CNBD1: variants seen among roughly 807,000 people sequenced by gnomAD.
The protein encoded by CNBD1 is cyclic nucleotide-binding domain-containing protein 1.
In CNBD1, 71 loss-of-function variants were observed where a neutral mutation model predicts 54.4. The ratio of observed to expected loss-of-function variants is 1.30; its 90% CI spans 1.08 to 1.59. The LOEUF (loss-of-function observed/expected upper bound fraction) is 1.59. Ranked by LOEUF, CNBD1 falls within the 40% of genes most tolerant of loss-of-function variation. The pLI, the probability that CNBD1 is intolerant of heterozygous loss-of-function variation, is 0.00. For synonymous variants in CNBD1, 182 were observed against 170.7 expected, an observed-to-expected ratio of 1.07 and a Z score of -0.51; for missense variants, 659 against 518.0, an observed-to-expected ratio of 1.27 and a Z score of -2.64.
At chr8:86,961,040 A>G (rs1807915662) in intron 4 of CNBD1, among the ~76,000 whole-genome samples, 1 of 152,232 alleles carries the variant, frequency 6.6e-6, no homozygotes, top group African/African-American at 2.4e-5. Context: ...CCATGTCTAC[A>G]TTTTGAAGAC....
At chr8:87,346,226 A>T (rs1044929826) in intron 8 of CNBD1, among the ~76,000 whole-genome samples, 1 of 151,912 alleles carries the variant, frequency 6.6e-6, no homozygotes, top group Admixed American at 6.6e-5. Context: ...TTTTTAGTAG[A>T]GATGGGGTTT....
chr8:87,111,315 T>TA (rs1248048870), intron 4 of CNBD1, among the ~76,000 whole-genome samples: 1 of 152,176 alleles, frequency 6.6e-6, no homozygotes, highest in African/African-American at 2.4e-5. Context: ...CAGAAAATTT[T>TA]AAAAAACTTA....
intron 4 of CNBD1, among the ~76,000 whole-genome samples, chr8:87,104,067 T>C (rs1203764488): frequency 1.3e-5 from 2 of 152,224 alleles, no homozygotes; most frequent in Non-Finnish European, 2.9e-5. Flanking sequence ...ATGATTGATG[T>C]TTTGCTAAGC....
intron 4 of CNBD1, among the ~76,000 whole-genome samples, chr8:86,958,757 A>G (rs1306392174): frequency 6.6e-6 from 1 of 152,148 alleles, no homozygotes; most frequent in Non-Finnish European, 1.5e-5. Flanking sequence ...AATACAGCAC[A>G]CTGATAGGTC....
chr8:87,048,047 A>C (rs1422944997), intron 4 of CNBD1, among the ~76,000 whole-genome samples: 1 of 152,122 alleles, frequency 6.6e-6, no homozygotes, highest in Admixed American at 6.5e-5. Flanking sequence ...CTTTGACTTG[A>C]GTGTGATAAA....
chr8:87,048,576 A>T (rs1030137614), intron 4 of CNBD1, among the ~76,000 whole-genome samples: 1 of 152,274 alleles, frequency 6.6e-6, no homozygotes, highest in African/African-American at 2.4e-5. Context: ...GAGGGGTCCA[A>T]TGTCACTTTG....
At position 87,036,249 on chromosome 8, in the gene CNBD1, AT is replaced by A. The variant is rs1223532607; in HGVS notation, c.431+96499del. ...CTCACCATTTATGTTTCTTCCTCGT[AT>A]TTTAAAAAATTAAATCTCTATTTAT... On this transcript the variant is annotated intron_variant, in intron 4 of 10. Coordinates refer to ENST00000518476, the MANE Select transcript of CNBD1 (RefSeq NM_173538.3). Among the ~76,000 whole-genome samples the A allele has an allele frequency of 3.3e-5, 5 of 152,294 alleles. No homozygotes were observed. The East Asian group carries it at 9.7e-4, about 29-fold the overall frequency.
rs890662474 is a variant in CNBD1 at position 87,323,519 on chromosome 8, T to A, written c.1043-28166T>A. Among the ~76,000 whole-genome samples, 20 of 121,952 alleles carry A rather than the reference T, an allele frequency of 1.6e-4. 6 individuals are homozygous for A. Among genetic ancestry groups the A allele is most frequent in the Non-Finnish European group, 2.4e-4 (13 of 54,564 alleles). The allele number at this position is 121,952 out of a possible 152,430, so 80.0% of individuals were successfully genotyped here. On this transcript the variant is annotated intron_variant, in intron 8 of 10. Transcript: ENST00000518476. The stretch of plus-strand genomic sequence containing the variant: ...GTAGTTCTTGAAGAGGTCCTTCACA[T>A]CCCTTGTAAGTTGGATTCCTAGGTA...
intron 10 of CNBD1, among the ~76,000 whole-genome samples, chr8:87,363,849 T>C (rs553949842): frequency 5.3e-5 from 8 of 152,276 alleles, no homozygotes; most frequent in Admixed American, 1.3e-4. Context: ...GCAGAAGCTC[T>C]TTAGTTTAAT....
intron 3 of CNBD1, among the ~76,000 whole-genome samples, chr8:86,927,851 A>G (rs1425119403): frequency 1.3e-5 from 2 of 152,154 alleles, no homozygotes; most frequent in East Asian, 3.9e-4. Flanking sequence ...TCCTTCTGAA[A>G]TAGGAGACGT....
intron 2 of CNBD1, among the ~76,000 whole-genome samples, chr8:87,428,133 ACC>A (rs1431648540): frequency 1.3e-5 from 2 of 149,142 alleles, no homozygotes; most frequent in East Asian, 3.9e-4. Context: ...TCCTCCCCCA[ACC>A]AAAAAAAAGG....
chr8:86,877,072 A>G (rs1022876715), intron 1 of CNBD1, among the ~76,000 whole-genome samples: 11 of 152,050 alleles, frequency 7.2e-5, no homozygotes, highest in Admixed American at 2.6e-4. Flanking sequence ...CCCTCTTCAC[A>G]TGTTGATTTT....
intron 4 of CNBD1, among the ~76,000 whole-genome samples, chr8:87,097,925 T>A (rs1811351974): frequency 6.6e-6 from 1 of 152,192 alleles, no homozygotes; most frequent in South Asian, 2.1e-4. Flanking sequence ...GTTTTCTAAG[T>A]GGTTTGAAGA....
At chr8:87,105,708 C>CTA in intron 4 of CNBD1, among the ~76,000 whole-genome samples, 1 of 151,762 alleles carries the variant, frequency 6.6e-6, no homozygotes, top group African/African-American at 2.4e-5. Context: ...TATATTTAGG[C>CTA]TAAGCCTTTT....
chr8:86,991,818 A>G lies in CNBD1; in HGVS notation c.431+52064A>G, dbSNP rs142870239. Among the ~76,000 whole-genome samples, 443 of 152,220 alleles carry G rather than the reference A, an allele frequency of 2.9e-3. 4 individuals carry two copies. The highest frequency in any genetic ancestry group is 0.01 in the African/African-American group (416 of 41,560). On this transcript the variant is annotated intron_variant, in intron 4 of 10. Coordinates refer to ENST00000518476, the MANE Select transcript of CNBD1 (RefSeq NM_173538.3). ...ATGTTCAAGTTCCATGTATTTGTGT[A>G]GTTTTGAGAGATCTTCTTGATATTG...
At position 87,206,102 on chromosome 8, in the gene CNBD1, A is replaced by T; in HGVS notation, c.541A>T (p.Thr181Ser). The T allele has an allele frequency of 6.3e-7, 1 of 1,593,514 alleles. No homozygotes were observed. Among genetic ancestry groups the T allele is most frequent in the African/African-American group, 1.4e-5 (1 of 73,578 alleles). ...TAAGCATCTGAAAACACTTAGTAAG[A>T]CTGTCTTTTCCGAAACCTGGTTGAA... The part of the protein sequence containing the change: ...NDKHLKTLSK[T>S]VFSETWLKGS... The change falls in exon 5 of 11, where the codon ACT (threonine) becomes TCT (serine). Residue 181 changes from threonine to serine, a missense_variant. By Grantham distance (58) the Thr-to-Ser change is moderately conservative. Coordinates refer to ENST00000518476, the MANE Select transcript of CNBD1 (RefSeq NM_173538.3).
intron 2 of CNBD1, among the ~76,000 whole-genome samples, chr8:87,400,019 T>C (rs768049250): frequency 2.6e-5 from 4 of 151,778 alleles, no homozygotes; most frequent in Non-Finnish European, 1.5e-5. Flanking sequence ...CAAATACATG[T>C]TGTCTAATTC....
chr8:87,005,227 G>A (rs573215531), intron 4 of CNBD1, among the ~76,000 whole-genome samples: 4 of 151,904 alleles, frequency 2.6e-5, no homozygotes, highest in East Asian at 1.9e-4. Flanking sequence ...AAAATTAGCC[G>A]GGCACGGTGG....
rs183392176 is a variant in CNBD1 at position 87,368,016 on chromosome 8, G to T, written c.1303+14230G>T. Among the ~76,000 whole-genome samples the T allele has an allele frequency of 1.4e-4, 21 of 152,074 alleles. No individual in the cohort carries two copies. In the East Asian group the frequency reaches 3.9e-3, roughly 28 times the overall value. On this transcript the variant is annotated intron_variant, in intron 10 of 10. Coordinates refer to ENST00000518476, the MANE Select transcript of CNBD1 (RefSeq NM_173538.3). ...ATCTTTCCTAAAAAGACAAAAATTA[G>T]CTGGGCATGATGATGTGCACCTGTA...
Sources: allele counts gnomAD v4.1 joint callset (sites outside exome capture counted in the v4.1 genomes callset), GRCh38; gene constraint gnomAD v4.1.1; transcripts MANE v1.5; gene names NCBI Gene and HGNC (gene_info 2026-07-23, HGNC 2026-07-21).